The following SMC2 variants were observed in gnomAD, a reference collection of about 807,000 sequenced individuals.
SMC2 encodes structural maintenance of chromosomes protein 2.
Under a neutral mutation model 142.6 loss-of-function variants are expected in SMC2, and 41 were observed. That is an observed-to-expected ratio of 0.29 (90% CI 0.22 to 0.37). The LOEUF (loss-of-function observed/expected upper bound fraction) is 0.37. Among genes scored for constraint, SMC2 ranks in the 10% least tolerant of loss-of-function variants. The probability of loss-of-function intolerance (pLI) is 1.00; values close to 1 mark genes in which losing one functional copy is unlikely to be tolerated. For missense variants in SMC2, 1,265 were observed against 1,373.7 expected (o/e 0.92, Z 1.25); for synonymous variants, 463 against 457.5 (o/e 1.01, Z -0.15).
upstream of SMC2, among the ~76,000 whole-genome samples, chr9:104,093,754 G>A (rs1830152892): frequency 6.6e-6 from 1 of 152,198 alleles, no homozygotes; most frequent in Admixed American, 6.5e-5. Flanking sequence ...CCCGAGGTCC[G>A]AGGCCAGTAC....
chr9:104,097,646 C>T (rs1350814209), intron 3 of SMC2, among the ~76,000 whole-genome samples: 1 of 152,028 alleles, frequency 6.6e-6, no homozygotes, highest in Admixed American at 6.5e-5. Context: ...TGTTCCTGTC[C>T]TCATTCAGGC....
intron 11 of SMC2, 52 bp from the exon 12 acceptor site, chr9:104,113,912 G>A (rs1305687554): frequency 3.6e-6 from 4 of 1,116,572 alleles, no homozygotes; most frequent in South Asian, 1.5e-5. Flanking sequence ...CCTTAAAACA[G>A]TAGAGTGAGC....
In SMC2 at chr9:104,123,027, G is replaced by C. The variant is rs1727576464; in HGVS notation, c.2133-81G>C. ...TTATAACGTATGTGAGTTTATTTAA[G>C]GTAAGAATCTGAAGTTTGAATGTAT... On this transcript the variant is annotated intron_variant, in intron 16 of 24. Transcript: ENST00000374793. 2.1e-6 allele frequency: 3 copies of C among 1,406,858 alleles called. No homozygotes were observed. The Admixed American group carries it at 6.3e-5, about 30-fold the overall frequency. 87.1% of individuals were successfully genotyped at this position (1,406,858 alleles called of 1,614,324 possible).
intron 10 of SMC2, 131 bp from the exon 11 acceptor site, chr9:104,113,185 T>TC (rs1347643248): frequency 1.2e-5 from 7 of 585,956 alleles, no homozygotes; most frequent in Non-Finnish European, 1.7e-5. Flanking sequence ...GAAATACTAA[T>TC]CCAAGAGACC....
upstream of SMC2, among the ~76,000 whole-genome samples, chr9:104,091,560 G>A (rs1829981696): frequency 6.6e-6 from 1 of 152,196 alleles, no homozygotes; most frequent in African/African-American, 2.4e-5. Context: ...AGTGCTGCTA[G>A]TCAATCCAAT....
At chr9:104,120,721 A>G (rs1833640846) in intron 16 of SMC2, among the ~76,000 whole-genome samples, 1 of 152,206 alleles carries the variant, frequency 6.6e-6, no homozygotes, top group Non-Finnish European at 1.5e-5. Flanking sequence ...ATACTTTCCA[A>G]CATCACTTCT....
At chr9:104,111,879 C>A in intron 10 of SMC2, 65 bp downstream of exon 10, 2 of 1,150,400 alleles carry the variant, frequency 1.7e-6, no homozygotes, top group Non-Finnish European at 2.5e-6. Context: ...TCATGTTATG[C>A]TTTGGCAATT....
intron 16 of SMC2, among the ~76,000 whole-genome samples, chr9:104,122,548 G>T (rs541142216): frequency 6.6e-6 from 1 of 150,646 alleles, no homozygotes; most frequent in Non-Finnish European, 1.5e-5. Flanking sequence ...AAATTTCACT[G>T]CAACTGAATT....
chr9:104,115,735 A>G (rs1387847416), intron 13 of SMC2, among the ~76,000 whole-genome samples: 1 of 151,336 alleles, frequency 6.6e-6, no homozygotes, highest in African/African-American at 2.5e-5. Context: ...CTCTTAGCAA[A>G]TTTTCAGTAT....
chr9:104,103,503 G>C (rs1339993069), intron 9 of SMC2, among the ~76,000 whole-genome samples: 1 of 152,200 alleles, frequency 6.6e-6, no homozygotes, highest in Non-Finnish European at 1.5e-5. Context: ...AGGAGAGAGA[G>C]ATGGGAGAGT....
At chr9:104,113,561 G>A (rs1832734447) in intron 11 of SMC2, 86 bp downstream of exon 11, 2 of 1,068,750 alleles carry the variant, frequency 1.9e-6, no homozygotes, top group Non-Finnish European at 2.6e-6. Flanking sequence ...ACGCAAGCAA[G>A]TAGGAAACAT....
rs1184433404 is a variant in SMC2 at position 104,097,507 on chromosome 9, TGAA to T, written c.319-938_319-936del. Among the ~76,000 whole-genome samples the T allele has an allele frequency of 5.5e-5, 5 of 90,184 alleles. No individual in the cohort carries two copies. The East Asian group carries it at 1.1e-3, about 19-fold the overall frequency. The allele number at this position is 90,184 out of a possible 152,430, so 59.2% of individuals were successfully genotyped here. ...CTCTATTTTAATGGAAGCCTCTGGT[TGAA>T]AAAAAAAAAAAAAAAAGAAGCGTAG... is the stretch of plus-strand genomic sequence containing the variant. On this transcript the variant is annotated intron_variant, in intron 3 of 24. Coordinates refer to ENST00000374793, the MANE Select transcript of SMC2 (RefSeq NM_006444.3).
At chr9:104,129,895 T>C (rs1476900906) in intron 21 of SMC2, 50 bp downstream of exon 21, 4 of 1,377,588 alleles carry the variant, frequency 2.9e-6, no homozygotes, top group South Asian at 1.2e-5. Context: ...ATGACTAGCA[T>C]TGACAGCTCT....
rs765358134 is a variant in SMC2, at chr9:104,125,042, A to G, written c.2388A>G (p.Lys796=). 1.2e-5 allele frequency: 20 copies of G among 1,605,618 alleles called. No individual in the cohort carries two copies. The Admixed American group carries it at 2.3e-4, about 18-fold the overall frequency. Residue 796 remains lysine (K), a synonymous_variant, in exon 18 of 25, where the codon AAA becomes AAG. Transcript: ENST00000374793. ...AGCGAGAACTGAAAGATGCTCAGAA[A>G]AAACTGGATTGTGCCAAAACAAAGG... is the stretch of plus-strand genomic sequence containing the variant. ...ERERELKDAQ[K]KLDCAKTKAD... is the part of the protein sequence containing the mutation.
chr9:104,099,610 T>C, intron 4 of SMC2, 34 bp from the exon 5 acceptor site: 5 of 1,368,918 alleles, frequency 3.7e-6, no homozygotes, highest in Non-Finnish European at 5.2e-6. Context: ...TTCTGTAATT[T>C]GTTATCTTAG....
intron 9 of SMC2, among the ~76,000 whole-genome samples, chr9:104,109,746 T>C (rs1381297056): frequency 6.6e-6 from 1 of 152,030 alleles, no homozygotes; most frequent in Non-Finnish European, 1.5e-5. Context: ...CCTAGAAATA[T>C]CAAAAAAATT....
At chr9:104,110,154 A>G (rs1473762714) in intron 9 of SMC2, among the ~76,000 whole-genome samples, 1 of 152,158 alleles carries the variant, frequency 6.6e-6, no homozygotes, top group African/African-American at 2.4e-5. Flanking sequence ...GCAGTACCAT[A>G]AACCCGAATA....
In SMC2 at chr9:104,118,234, G is replaced by T. The variant is rs76421718; in HGVS notation, c.1855G>T (p.Ala619Ser). The change falls in exon 15 of 25, where the codon GCA (alanine) becomes TCA (serine). Residue 619 changes from alanine to serine, a missense_variant. Around this residue, in one of 4 missense-constraint regions of SMC2, gnomAD observed 898 missense variants for 904.2 expected, o/e 0.99. Transcript: ENST00000374793. ...LVEYKPELQK[A>S]MEFVFGTTFV... is the part of the protein sequence containing the mutation. ...TGAATATAAACCAGAACTTCAGAAAGCAATGGAGTTTGTCTTTGGAACAAC... is the reference window on the plus strand; with the variant it reads ...TGAATATAAACCAGAACTTCAGAAATCAATGGAGTTTGTCTTTGGAACAAC... 5.3e-3 allele frequency: 8,510 copies of T among 1,613,758 alleles called. 27 individuals are homozygous for T. Among genetic ancestry groups the T allele is most frequent in the Non-Finnish European group, 6.4e-3 (7,545 of 1,179,808 alleles).
intron 10 of SMC2, among the ~76,000 whole-genome samples, chr9:104,112,995 CGTTCT>C (rs1253391836): frequency 1.3e-5 from 2 of 151,980 alleles, no homozygotes; most frequent in Non-Finnish European, 2.9e-5. Context: ...TGATTTCTAG[CGTTCT>C]TTTTTTAATT....
Sources: allele counts gnomAD v4.1 joint callset (sites outside exome capture counted in the v4.1 genomes callset), GRCh38; gene constraint gnomAD v4.1.1; regional missense constraint gnomAD v4.1.1; transcripts MANE v1.5; gene names NCBI Gene and HGNC (gene_info 2026-07-23, HGNC 2026-07-21).